MACF1: variants seen among roughly 807,000 people sequenced by gnomAD.
MACF1 encodes the protein microtubule actin crosslinking factor 1.
MACF1 carries 193 observed loss-of-function variants against 854.8 expected under a neutral mutation model. That is an observed-to-expected ratio of 0.23 (90% CI 0.20 to 0.25). The LOEUF is 0.25. Ranked by LOEUF, MACF1 falls within the 10% of genes least tolerant of loss-of-function variation. MACF1 has a pLI of 1.00. For missense variants in MACF1, 7,722 were observed against 8,929.1 expected (o/e 0.86, Z 5.45); for synonymous variants, 3,185 against 3,226.7 (o/e 0.99, Z 0.44).
At chr1:39,464,911 A>G in intron 94 of MACF1, 184 bp from the exon 95 acceptor site, 1 of 88,438 alleles carries the variant, frequency 1.1e-5, no homozygotes, top group Non-Finnish European at 2.2e-5. Flanking sequence ...GAGACTCTCA[A>G]AAAAAAAAAA....
At chr1:39,345,401 G>T (rs1288595149) in intron 40 of MACF1, among the ~76,000 whole-genome samples, 9 of 152,054 alleles carry the variant, frequency 5.9e-5, no homozygotes, top group Non-Finnish European at 1.0e-4. Flanking sequence ...CTTAAGCCCG[G>T]GAGTTTGAGA....
chr1:39,433,063 A>G lies in MACF1; in HGVS notation c.17473A>G (p.Ile5825Val), dbSNP rs771905861. The G allele has an allele frequency of 5.6e-6, 9 of 1,610,160 alleles. No individual in the cohort carries two copies. The East Asian group carries it at 8.9e-5, about 16-fold the overall frequency. The change falls in exon 68 of 101, where the codon ATT becomes GTT. Residue 5825 changes from isoleucine to valine, a missense_variant. This residue lies in a region of MACF1 where 2,807 missense variants were observed against 3,235.8 expected (regional missense o/e 0.87). Coordinates refer to ENST00000564288, the MANE Select transcript of MACF1 (RefSeq NM_001394062.1). ...LQVQKAFSIDIIRHKDSMDEL... is the reference protein window; with the variant it reads ...LQVQKAFSIDVIRHKDSMDEL... ...CTTTTCAAAGGCTTTCTCCATTGAC[A>G]TTATTCGACACAAAGATTCAATGGA...
intron 2 of MACF1, among the ~76,000 whole-genome samples, chr1:39,162,517 A>G (rs1211762010): frequency 6.6e-6 from 1 of 151,948 alleles, no homozygotes; most frequent in Non-Finnish European, 1.5e-5. Context: ...TTGTTTTTGT[A>G]TTCCCAGTAG....
At chr1:39,238,479 G>C (rs1644884373) in intron 2 of MACF1, among the ~76,000 whole-genome samples, 1 of 152,210 alleles carries the variant, frequency 6.6e-6, no homozygotes, top group Non-Finnish European at 1.5e-5. Flanking sequence ...CCCTGCCCTT[G>C]GGTTTGGCCC....
At chr1:39,138,309 C>T (rs571523909) in intron 2 of MACF1, among the ~76,000 whole-genome samples, 37 of 151,388 alleles carry the variant, frequency 2.4e-4, no homozygotes, top group African/African-American at 8.0e-4. Context: ...GTAGGCTGGA[C>T]GCGGTGGCTC....
chr1:39,138,606 G>A (rs185994906), intron 2 of MACF1, among the ~76,000 whole-genome samples: 30 of 152,060 alleles, frequency 2.0e-4, no homozygotes, highest in African/African-American at 7.2e-4. Context: ...AAAATGGCTG[G>A]TGTTAGATGA....
intron 65 of MACF1, among the ~76,000 whole-genome samples, chr1:39,430,388 G>A (rs1346035026): frequency 6.6e-6 from 1 of 151,818 alleles, no homozygotes; most frequent in African/African-American, 2.4e-5. Flanking sequence ...TACTTGTTAG[G>A]TTAAATACTG....
intron 2 of MACF1, among the ~76,000 whole-genome samples, chr1:39,182,992 C>T (rs1471136069): frequency 6.6e-6 from 1 of 152,024 alleles, no homozygotes; most frequent in African/African-American, 2.4e-5. Flanking sequence ...CACACTGTGG[C>T]ATATCCATAC....
In MACF1 at chr1:39,485,723, C is replaced by G. The variant is rs1432304609; in HGVS notation, c.22597C>G (p.Pro7533Ala). 1 of 1,613,918 alleles carries G rather than the reference C, an allele frequency of 6.2e-7. No homozygotes were observed. Among genetic ancestry groups the G allele is most frequent in the East Asian group, 2.2e-5 (1 of 44,872 alleles). The change falls in exon 101 of 101, where the codon CCT (proline) becomes GCT (alanine). Residue 7533 changes from proline (P) to alanine (A), a missense_variant. This residue lies in a region of MACF1 where 185 missense variants were observed against 225.7 expected (regional missense o/e 0.82). Coordinates refer to ENST00000564288, the MANE Select transcript of MACF1 (RefSeq NM_001394062.1). ...CAACTCCAGGAGAGGGCTAAACAAA[C>G]CTTCCAAAATCCCAACCATGTCTAA... is the stretch of plus-strand genomic sequence containing the variant. Reference protein sequence around the residue: ...QGNSRRGLNKPSKIPTMSKKT... With the variant: ...QGNSRRGLNKASKIPTMSKKT...
intron 2 of MACF1, among the ~76,000 whole-genome samples, chr1:39,088,887 T>C (rs990459104): frequency 2.0e-5 from 3 of 152,174 alleles, no homozygotes; most frequent in Admixed American, 1.3e-4. Context: ...GGCAGTAACA[T>C]GTTTTGAAGA....
At chr1:39,099,542 T>C (rs1244861533) in intron 2 of MACF1, among the ~76,000 whole-genome samples, 1 of 152,196 alleles carries the variant, frequency 6.6e-6, no homozygotes, top group African/African-American at 2.4e-5. Flanking sequence ...ATAAACTTTC[T>C]AGAGGTTGAG....
At position 39,124,521 on chromosome 1, in the gene MACF1, A is replaced by G. The variant is rs530011098; in HGVS notation, c.220+40083A>G. Among the ~76,000 whole-genome samples the G allele has an allele frequency of 1.6e-4, 24 of 152,324 alleles. No homozygotes were observed. In the East Asian group the frequency reaches 2.3e-3, roughly 15 times the overall value. On this transcript the variant is annotated intron_variant, in intron 2 of 93. Coordinates refer to the MACF1 transcript ENST00000361689. ...AGTCTAGCACAGCCTAGCATACTCA[A>G]TAAGTGTTATTACTAATAATTAAAT... is the stretch of plus-strand genomic sequence containing the variant.
chr1:39,387,060 C>G, intron 57 of MACF1, 127 bp from the exon 58 acceptor site: 3 of 982,358 alleles, frequency 3.1e-6, no homozygotes, highest in South Asian at 3.3e-5. Context: ...AATTATATGC[C>G]TCTTTTTGGT....
At chr1:39,312,398 A>G (rs2148438414) in intron 26 of MACF1, among the ~76,000 whole-genome samples, 2 of 152,342 alleles carry the variant, frequency 1.3e-5, no homozygotes. Flanking sequence ...ATACATAATA[A>G]CATTCCTTTT....
intron 1 of MACF1, among the ~76,000 whole-genome samples, chr1:39,211,957 C>T (rs978047269): frequency 2.8e-5 from 4 of 141,824 alleles, no homozygotes; most frequent in Non-Finnish European, 4.5e-5. Context: ...CTGTTTTATA[C>T]GTTAAGAAAG....
intron 6 of MACF1, among the ~76,000 whole-genome samples, chr1:39,261,019 ATTG>A (rs1482577391): frequency 2.0e-5 from 3 of 152,076 alleles, no homozygotes; most frequent in Non-Finnish European, 4.4e-5. Flanking sequence ...ATTTCTCTCT[ATTG>A]TTGTTAAGCC....
chr1:39,092,876 C>T (rs1031211693), intron 2 of MACF1, among the ~76,000 whole-genome samples: 4 of 151,912 alleles, frequency 2.6e-5, no homozygotes, highest in Admixed American at 2.0e-4. Context: ...CTCCGCCTCC[C>T]GGGTTCAAGC....
At chr1:39,276,895 CTA>C (rs1645447986) in intron 6 of MACF1, among the ~76,000 whole-genome samples, 1 of 152,080 alleles carries the variant, frequency 6.6e-6, no homozygotes, top group Non-Finnish European at 1.5e-5. Context: ...GTGAATAAAT[CTA>C]TGTCACCATC....
chr1:39,084,517 G>C lies in MACF1; in HGVS notation c.220+79G>C. On this transcript the variant is annotated intron_variant, in intron 2 of 93. Coordinates refer to the MACF1 transcript ENST00000361689. The surrounding 1 kb of genome is among the most constrained non-coding windows in gnomAD (Gnocchi z 5.2). ...CCAGGGCACAGCAGCTGTGTGGGGA[G>C]CCGAGGGGTCCTCACCAGGGCCTCT... is the stretch of plus-strand genomic sequence containing the variant. 3.2e-6 allele frequency: 4 copies of C among 1,233,020 alleles called. No homozygotes were observed. Among genetic ancestry groups the C allele is most frequent in the Non-Finnish European group, 4.6e-6 (4 of 872,670 alleles). The allele number at this position is 1,233,020 out of a possible 1,614,324, so 76.4% of individuals were successfully genotyped here. A position where few individuals can be genotyped will look rare whatever the true frequency, so the allele number is the denominator to read the frequency against.
Sources: gnomAD v4.1 joint callset for allele counts (sites outside exome capture counted in the v4.1 genomes callset) on GRCh38, gnomAD v4.1.1 for gene constraint, gnomAD v4.1.1 regional missense constraint, Gnocchi (gnomAD v3.1) non-coding constraint, MANE v1.5 for transcripts, NCBI Gene and HGNC (gene_info 2026-07-23, HGNC 2026-07-21) for gene names.